Variants in ADAM18 observed in about 807,000 individuals in gnomAD.
ADAM18 encodes the protein ADAM metallopeptidase domain 18, also known as disintegrin and metalloproteinase domain-containing protein 18.
A neutral mutation model predicts 94.4 loss-of-function variants in ADAM18; 117 were observed. The observed-to-expected ratio is 1.24, with a 90% CI of 1.07 to 1.45. The LOEUF is 1.45. Ranked by LOEUF, ADAM18 falls within the 40% of genes most tolerant of loss-of-function variation. ADAM18 has a pLI of 0.00. For synonymous variants in ADAM18, 327 were observed against 291.6 expected, an observed-to-expected ratio of 1.12 and a Z score of -1.24; for missense variants, 936 against 880.0, an observed-to-expected ratio of 1.06 and a Z score of -0.81.
At chr8:39,713,360 C>T (rs10096399) in intron 18 of ADAM18, among the ~76,000 whole-genome samples, 53,093 of 151,954 alleles carry the variant, frequency 0.35, 10,552 homozygotes, top group East Asian at 0.75. Context: ...TAGGCAATAC[C>T]ATTCAGGACA....
chr8:39,729,634 A>G lies in ADAM18; in HGVS notation c.2178-264A>G, dbSNP rs116757461. Among the ~76,000 whole-genome samples, 669 of 152,198 alleles carry G rather than the reference A, an allele frequency of 4.4e-3. 7 individuals carry two copies. Among genetic ancestry groups the G allele is most frequent in the African/African-American group, 0.015 (643 of 41,550 alleles). ...TAAATCAATGCTAAGGTACAAAAACATATACATTTATTTTATGTTTAGCTT... is the reference window on the plus strand; with the variant it reads ...TAAATCAATGCTAAGGTACAAAAACGTATACATTTATTTTATGTTTAGCTT... On this transcript the variant is annotated intron_variant, in intron 19 of 19. Transcript: ENST00000265707.
intron 7 of ADAM18, among the ~76,000 whole-genome samples, chr8:39,631,142 T>C (rs955314491): frequency 7.2e-5 from 11 of 151,974 alleles, no homozygotes; most frequent in Admixed American, 6.6e-4. Flanking sequence ...GGCTATTTTC[T>C]CGTAGTCTGT....
intron 16 of ADAM18, among the ~76,000 whole-genome samples, chr8:39,684,481 G>A (rs1419235181): frequency 6.6e-6 from 1 of 152,196 alleles, no homozygotes. Context: ...CGAGGGCTCT[G>A]GGCAGCCCAA....
intron 12 of ADAM18, among the ~76,000 whole-genome samples, chr8:39,658,907 G>C (rs1326775631): frequency 6.6e-6 from 1 of 152,098 alleles, no homozygotes; most frequent in Non-Finnish European, 1.5e-5. Context: ...TTTCTTATTT[G>C]AGTTGTGGAG....
At chr8:39,611,345 A>G in intron 6 of ADAM18, 1 of 722,176 alleles carries the variant, frequency 1.4e-6, no homozygotes. Context: ...CTTTGTGTTT[A>G]CCATACTTGG....
chr8:39,590,509 G>A (rs866473322), intron 2 of ADAM18, among the ~76,000 whole-genome samples: 29 of 152,066 alleles, frequency 1.9e-4, no homozygotes, highest in Non-Finnish European at 4.0e-4. Context: ...TGGGTGCAGC[G>A]CACCAGCATG....
At chr8:39,589,691 A>T (rs911003162) in intron 2 of ADAM18, among the ~76,000 whole-genome samples, 1 of 151,820 alleles carries the variant, frequency 6.6e-6, no homozygotes, top group Non-Finnish European at 1.5e-5. Flanking sequence ...ATTAGAAATA[A>T]TTTTTAATTA....
Position 39,717,606 on chromosome 8 carries a change from T to G in ADAM18, c.2018-6142T>G, listed in dbSNP as rs1382888332. 2.6e-5 allele frequency among the ~76,000 whole-genome samples: 4 copies of G among 151,650 alleles called. No individual in the cohort carries two copies. In the East Asian group the frequency reaches 7.7e-4, roughly 29 times the overall value. On this transcript the variant is annotated intron_variant, in intron 18 of 19. Transcript: ENST00000265707. Reference sequence around the variant, plus strand: ...TCTTATCTTACACCATACATACAGATGGACTCAAAATGAATTAAAGAAAAA... The same window carrying G: ...TCTTATCTTACACCATACATACAGAGGGACTCAAAATGAATTAAAGAAAAA...
chr8:39,655,745 A>G lies in ADAM18; in HGVS notation c.1230+7218A>G, dbSNP rs150537274. On this transcript the variant is annotated intron_variant, in intron 12 of 19. Transcript: ENST00000265707. ...ATTGTATGCATGAAAACCCAAAATA[A>G]TCTAGAAATAAATTATTTGCACGTA... Among the ~76,000 whole-genome samples, 69 of 152,208 alleles carry G rather than the reference A, an allele frequency of 4.5e-4. 1 individual carries two copies. The highest frequency in any genetic ancestry group is 1.3e-3 in the African/African-American group (56 of 41,574).
chr8:39,589,007 C>G (rs190095723), intron 2 of ADAM18, among the ~76,000 whole-genome samples: 8 of 152,308 alleles, frequency 5.3e-5, no homozygotes, highest in Admixed American at 4.6e-4. Context: ...AGTTAAGAAG[C>G]AGCAGCCATT....
In ADAM18 at chr8:39,610,654, A is replaced by T; in HGVS notation, c.470A>T (p.Tyr157Phe). Residue 157 changes from tyrosine to phenylalanine, a missense_variant, in exon 6 of 20, where the codon TAC becomes TTC. By Grantham distance (22) the Tyr-to-Phe change is conservative. Coordinates refer to ENST00000265707, the MANE Select transcript of ADAM18 (RefSeq NM_014237.3). ...DPNVSILAVN[Y>F]SHIWQKDQPY... ...AATGTATCCATTTTAGCAGTAAATT[A>T]CAGTCATATTTGGCAGAAAGACCAG... The T allele has an allele frequency of 6.2e-7, 1 of 1,613,284 alleles. No homozygotes were observed. The highest frequency in any genetic ancestry group is 8.5e-7 in the Non-Finnish European group (1 of 1,179,458).
chr8:39,698,675 A>T (rs1179162111), intron 17 of ADAM18, among the ~76,000 whole-genome samples: 1 of 152,102 alleles, frequency 6.6e-6, no homozygotes. Flanking sequence ...TGGAATGTTT[A>T]ACAATGATGG....
intron 18 of ADAM18, 97 bp downstream of exon 18, chr8:39,707,001 C>T (rs1260167651): frequency 3.0e-6 from 2 of 670,710 alleles, no homozygotes; most frequent in Non-Finnish European, 5.1e-6. Context: ...GCTTCATCTA[C>T]ATTGCAGCAG....
At chr8:39,611,593 A>C (rs1306802463) in intron 6 of ADAM18, 1 of 985,184 alleles carries the variant, frequency 1.0e-6, no homozygotes, top group Non-Finnish European at 1.2e-6. Flanking sequence ...GTTTCAGGTA[A>C]GAGATATGGA....
intron 10 of ADAM18, among the ~76,000 whole-genome samples, chr8:39,643,990 G>A (rs1820308348): frequency 6.6e-6 from 1 of 151,616 alleles, no homozygotes; most frequent in Non-Finnish European, 1.5e-5. Context: ...TTTATTACAG[G>A]ATAATAGGAA....
At chr8:39,666,381 C>G (rs1365918048) in intron 13 of ADAM18, among the ~76,000 whole-genome samples, 1 of 152,018 alleles carries the variant, frequency 6.6e-6, no homozygotes, top group African/African-American at 2.4e-5. Flanking sequence ...GTGTCTCATC[C>G]TTTTTTGAAA....
chr8:39,684,026 T>G (rs1821540218), intron 16 of ADAM18, among the ~76,000 whole-genome samples: 2 of 152,136 alleles, frequency 1.3e-5, no homozygotes, highest in Non-Finnish European at 2.9e-5. Context: ...ACACCTGTAG[T>G]CCCAGCTACT....
chr8:39,641,969 G>C (rs1820251371), intron 10 of ADAM18, among the ~76,000 whole-genome samples: 1 of 151,942 alleles, frequency 6.6e-6, no homozygotes. Flanking sequence ...AGTGTGAGAT[G>C]GTATCTCACT....
chr8:39,615,361 A>G (rs1819406438), intron 6 of ADAM18, among the ~76,000 whole-genome samples: 1 of 152,200 alleles, frequency 6.6e-6, no homozygotes, highest in Non-Finnish European at 1.5e-5. Context: ...ACTTTTGGAT[A>G]AATGATGAAA....
Sources: gnomAD v4.1 joint callset for allele counts (sites outside exome capture counted in the v4.1 genomes callset) on GRCh38, gnomAD v4.1.1 for gene constraint, MANE v1.5 for transcripts, NCBI Gene and HGNC (gene_info 2026-07-23, HGNC 2026-07-21) for gene names.